CREB5: variants seen among roughly 807,000 people sequenced by gnomAD.
CREB5 encodes cyclic AMP-responsive element-binding protein 5.
A neutral mutation model predicts 57.1 loss-of-function variants in CREB5; 19 were observed. The ratio of observed to expected loss-of-function variants is 0.33; its 90% CI spans 0.23 to 0.49. The LOEUF (loss-of-function observed/expected upper bound fraction) is 0.49. Ranked by LOEUF, CREB5 falls within the 20% of genes least tolerant of loss-of-function variation. CREB5 has a pLI of 0.99. For missense variants in CREB5, 579 were observed against 671.6 expected, an observed-to-expected ratio of 0.86 and a Z score of 1.52; for synonymous variants, 238 against 238.3, an observed-to-expected ratio of 1.00 and a Z score of 0.01.
At chr7:28,301,254 C>T (rs1020438176) in intron 1 of CREB5, among the ~76,000 whole-genome samples, 23 of 152,128 alleles carry the variant, frequency 1.5e-4, no homozygotes, top group Non-Finnish European at 3.1e-4. Context: ...GATTTTCATG[C>T]GTTTCAAGTA....
intron 1 of CREB5, among the ~76,000 whole-genome samples, chr7:28,375,221 A>C (rs1044033590): frequency 6.6e-6 from 1 of 152,216 alleles, no homozygotes; most frequent in African/African-American, 2.4e-5. Flanking sequence ...GGTTATGGGA[A>C]ATCTACCTTC....
chr7:28,498,115 G>T (rs539600776), intron 3 of CREB5, among the ~76,000 whole-genome samples: 2 of 151,962 alleles, frequency 1.3e-5, no homozygotes, highest in African/African-American at 4.8e-5. Context: ...AAGCCTTCTG[G>T]TCCTGGAAAA....
intron 5 of CREB5, among the ~76,000 whole-genome samples, chr7:28,687,818 T>C (rs1801026743): frequency 6.6e-6 from 1 of 152,038 alleles, no homozygotes; most frequent in East Asian, 1.9e-4. Flanking sequence ...TTGGAGGAAG[T>C]AGCATGATGT....
chr7:28,535,230 T>G (rs1793905363), intron 4 of CREB5, among the ~76,000 whole-genome samples: 1 of 140,724 alleles, frequency 7.1e-6, no homozygotes, highest in South Asian at 2.2e-4. Flanking sequence ...CATTCATACT[T>G]GTGGATTACA....
At chr7:28,657,233 A>T (rs1177401330) in intron 5 of CREB5, among the ~76,000 whole-genome samples, 1 of 152,172 alleles carries the variant, frequency 6.6e-6, no homozygotes, top group Admixed American at 6.5e-5. Context: ...GGTGATAGTT[A>T]CAAGTTTCAA....
chr7:28,365,203 C>T (rs2127992820), intron 1 of CREB5, among the ~76,000 whole-genome samples: 1 of 152,266 alleles, frequency 6.6e-6, no homozygotes, highest in African/African-American at 2.4e-5. Flanking sequence ...AATGTCATTG[C>T]AATAATTTTT....
chr7:28,734,278 A>G (rs1803849456), intron 7 of CREB5, among the ~76,000 whole-genome samples: 1 of 147,126 alleles, frequency 6.8e-6, no homozygotes, highest in Non-Finnish European at 1.5e-5. Flanking sequence ...GTTTTGATCC[A>G]AACACATAGG....
chr7:28,657,862 A>G (rs1399449769), intron 5 of CREB5, among the ~76,000 whole-genome samples: 1 of 152,190 alleles, frequency 6.6e-6, no homozygotes, highest in East Asian at 1.9e-4. Flanking sequence ...GAGTACAGTT[A>G]TAAACTAATT....
At chr7:28,776,644 T>G (rs536503191) in intron 7 of CREB5, among the ~76,000 whole-genome samples, 1 of 152,326 alleles carries the variant, frequency 6.6e-6, no homozygotes, top group South Asian at 2.1e-4. Flanking sequence ...CTATCTAATT[T>G]CAGAATATTT....
intron 4 of CREB5, among the ~76,000 whole-genome samples, chr7:28,560,831 C>T (rs191434190): frequency 0.048 from 2,823 of 58,488 alleles, 468 homozygotes; most frequent in East Asian, 0.17. Context: ...TGCGCGCGCG[C>T]GCGTGTGTGT....
intron 1 of CREB5, among the ~76,000 whole-genome samples, chr7:28,436,675 AT>A (rs201351258): frequency 1.5e-4 from 22 of 151,448 alleles, no homozygotes; most frequent in Non-Finnish European, 2.5e-4. Flanking sequence ...TTTCCAAGGC[AT>A]TTTTTTTTCT....
intron 1 of CREB5, among the ~76,000 whole-genome samples, chr7:28,456,885 CTT>C: frequency 6.6e-6 from 1 of 152,332 alleles, no homozygotes; most frequent in East Asian, 1.9e-4. Flanking sequence ...TCTCTTATGT[CTT>C]AGTCCATTTT....
chr7:28,464,065 T>G (rs1790457874), intron 1 of CREB5, among the ~76,000 whole-genome samples: 1 of 152,180 alleles, frequency 6.6e-6, no homozygotes, highest in African/African-American at 2.4e-5. Context: ...TGTGTGTAGT[T>G]TTTCTTTTTG....
At chr7:28,539,829 G>T (rs1251339364) in intron 4 of CREB5, among the ~76,000 whole-genome samples, 2 of 152,168 alleles carry the variant, frequency 1.3e-5, no homozygotes, top group African/African-American at 4.8e-5. Context: ...CTCAACAAAT[G>T]GTGGTTGATG....
At chr7:28,718,526 G>A (rs1265955079) in intron 5 of CREB5, among the ~76,000 whole-genome samples, 2 of 152,206 alleles carry the variant, frequency 1.3e-5, no homozygotes, top group Non-Finnish European at 2.9e-5. Context: ...GATAACAGAG[G>A]TCAGGAAATG....
intron 7 of CREB5, among the ~76,000 whole-genome samples, chr7:28,784,784 G>C (rs758363680): frequency 6.6e-6 from 1 of 152,124 alleles, no homozygotes; most frequent in Non-Finnish European, 1.5e-5. Context: ...GCTTTCTCTC[G>C]CTCAGCCTCT....
rs1052692897 is a variant in CREB5, at chr7:28,590,965, A to G, written c.464+20428A>G. ...GTATTTTTGTGTATAGTTAATTTAGAAAGACTTTGATGTCTTTCAGATTGC... is the reference window on the plus strand; with the variant it reads ...GTATTTTTGTGTATAGTTAATTTAGGAAGACTTTGATGTCTTTCAGATTGC... On this transcript the variant is annotated intron_variant, in intron 5 of 10. Coordinates refer to ENST00000357727, the MANE Select transcript of CREB5 (RefSeq NM_182898.4). Among the ~76,000 whole-genome samples, 3 of 152,218 alleles carry G rather than the reference A, an allele frequency of 2.0e-5. No individual in the cohort carries two copies. The East Asian group carries it at 5.8e-4, about 29-fold the overall frequency.
chr7:28,679,520 G>A (rs1562566773), intron 5 of CREB5, among the ~76,000 whole-genome samples: 1 of 152,150 alleles, frequency 6.6e-6, no homozygotes, highest in Non-Finnish European at 1.5e-5. Flanking sequence ...GCAGTGTAAG[G>A]CCTTCTTAGG....
At chr7:28,524,316 A>AACACACACACACACACAC (rs4000595) in intron 4 of CREB5, among the ~76,000 whole-genome samples, 6 of 136,652 alleles carry the variant, frequency 4.4e-5, no homozygotes, top group East Asian at 2.2e-4. Flanking sequence ...GCCTCTACTA[A>AACACACACACACACACAC]ACACACACAC....
Sources: allele counts gnomAD v4.1 joint callset (sites outside exome capture counted in the v4.1 genomes callset), GRCh38; gene constraint gnomAD v4.1.1; transcripts MANE v1.5; gene names NCBI Gene and HGNC (gene_info 2026-07-23, HGNC 2026-07-21).